The following HIPK2 variants were observed in gnomAD, a reference collection of about 807,000 sequenced individuals.
HIPK2 encodes the protein homeodomain interacting protein kinase 2.
HIPK2 carries 27 observed loss-of-function variants against 113.7 expected under a neutral mutation model. That is an observed-to-expected ratio of 0.24 (90% CI 0.17 to 0.33). HIPK2 has a LOEUF of 0.33. Ranked by LOEUF, HIPK2 falls within the 10% of genes least tolerant of loss-of-function variation. The probability of loss-of-function intolerance (pLI) is 1.00; values close to 1 mark genes in which losing one functional copy is unlikely to be tolerated. For synonymous variants in HIPK2, 631 were observed against 642.2 expected (o/e 0.98, Z 0.26); for missense variants, 1,257 against 1,588.0 (o/e 0.79, Z 3.54).
At position 139,602,366 on chromosome 7, in the gene HIPK2, C is replaced by T. The variant is rs565826788; in HGVS notation, c.2255+1715G>A. Among the ~76,000 whole-genome samples, 7 of 152,196 alleles carry T rather than the reference C, an allele frequency of 4.6e-5. No individual in the cohort carries two copies. The South Asian group carries it at 1.2e-3, about 27-fold the overall frequency. On this transcript the variant is annotated intron_variant, in intron 10 of 14. Coordinates refer to ENST00000406875, the MANE Select transcript of HIPK2 (RefSeq NM_022740.5). ...CACTGGTACTTCTGTTTGTTAGCCA[C>T]AATAATAGATGTTCTTTGGCTCACA...
intron 2 of HIPK2, among the ~76,000 whole-genome samples, chr7:139,664,897 C>T (rs1801993681): frequency 6.6e-6 from 1 of 152,212 alleles, no homozygotes; most frequent in African/African-American, 2.4e-5. Flanking sequence ...CAGATATCAG[C>T]TATTTACAAC....
At chr7:139,647,779 A>C (rs967323736) in intron 2 of HIPK2, among the ~76,000 whole-genome samples, 3 of 152,244 alleles carry the variant, frequency 2.0e-5, no homozygotes, top group African/African-American at 7.2e-5. Flanking sequence ...ACCCATAAAA[A>C]AACCTGTGAG....
chr7:139,709,413 TG>T (rs1794999113), intron 2 of HIPK2, among the ~76,000 whole-genome samples: 2 of 152,262 alleles, frequency 1.3e-5, no homozygotes, highest in South Asian at 4.1e-4. Context: ...ATTTTTGAAA[TG>T]ACTTATATTT....
intron 1 of HIPK2, chr7:139,722,054 G>C (rs2116981066): frequency 2.1e-6 from 1 of 474,980 alleles, no homozygotes. Flanking sequence ...CATAAACACT[G>C]AATCTCAGAT....
chr7:139,642,608 G>A (rs1292357506), intron 2 of HIPK2, among the ~76,000 whole-genome samples: 1 of 152,218 alleles, frequency 6.6e-6, no homozygotes, highest in Non-Finnish European at 1.5e-5. Context: ...ATTGAGGTGA[G>A]CTAATCCCAG....
chr7:139,635,284 A>G (rs1800769802), intron 2 of HIPK2, among the ~76,000 whole-genome samples: 2 of 152,168 alleles, frequency 1.3e-5, no homozygotes, highest in African/African-American at 4.8e-5. Flanking sequence ...ACACTCAAGT[A>G]AGTCTTAGGA....
At chr7:139,651,992 G>A (rs547832909) in intron 2 of HIPK2, among the ~76,000 whole-genome samples, 42 of 152,202 alleles carry the variant, frequency 2.8e-4, no homozygotes, top group Non-Finnish European at 5.6e-4. Flanking sequence ...AGGCTCTGGC[G>A]CCATAACTCA....
At chr7:139,678,406 T>A (rs1289968800) in intron 2 of HIPK2, among the ~76,000 whole-genome samples, 2 of 152,256 alleles carry the variant, frequency 1.3e-5, no homozygotes, top group Non-Finnish European at 2.9e-5. Flanking sequence ...GCTAGCCAGT[T>A]TTCCCAACAT....
chr7:139,640,334 CCCAGATCATGT>C (rs1384899209), intron 2 of HIPK2, among the ~76,000 whole-genome samples: 3 of 152,204 alleles, frequency 2.0e-5, no homozygotes, highest in African/African-American at 4.8e-5. Flanking sequence ...GAGAAGCATT[CCCAGATCATGT>C]CCAGATCATA....
rs191156972 is a variant in HIPK2, at chr7:139,677,438, C to A, written c.1103+38494G>T. 5.5e-4 allele frequency among the ~76,000 whole-genome samples: 84 copies of A among 152,196 alleles called. 1 individual carries two copies. Among genetic ancestry groups the A allele is most frequent in the African/African-American group, 1.9e-3 (80 of 41,532 alleles). On this transcript the variant is annotated intron_variant, in intron 2 of 14. Transcript: ENST00000406875. ...TTTATAAAGTTTATTTCTCACAGTT[C>A]TGGTGGCTGGGAAGTTCAAGATCAA... is the stretch of plus-strand genomic sequence containing the variant.
chr7:139,715,123 C>T (rs941330358), intron 2 of HIPK2, among the ~76,000 whole-genome samples: 1 of 152,210 alleles, frequency 6.6e-6, no homozygotes, highest in African/African-American at 2.4e-5. Flanking sequence ...TCCAGATACC[C>T]CAGGATGGCA....
intron 14 of HIPK2, among the ~76,000 whole-genome samples, chr7:139,573,980 A>G (rs1048319241): frequency 5.9e-5 from 9 of 152,162 alleles, no homozygotes; most frequent in African/African-American, 2.2e-4. Context: ...GACGTACAGA[A>G]GCTGTGAAGT....
chr7:139,671,313 T>C (rs1192440554), intron 2 of HIPK2, among the ~76,000 whole-genome samples: 1 of 152,188 alleles, frequency 6.6e-6, no homozygotes, highest in Non-Finnish European at 1.5e-5. Flanking sequence ...GAAATAGTAA[T>C]TATACCAAAG....
chr7:139,680,549 A>G (rs1802664332), intron 2 of HIPK2, among the ~76,000 whole-genome samples: 1 of 152,236 alleles, frequency 6.6e-6, no homozygotes, highest in African/African-American at 2.4e-5. Flanking sequence ...CTTGGCAGAC[A>G]TGGGTACTGA....
rs1461393183 is a variant in HIPK2, at chr7:139,613,138, C to A, written c.2112+64G>T. ...GGAGAGAGGGAGTGGAGATATATAT[C>A]TTTTGTGAACAACATTAACACAGGT... On this transcript the variant is annotated intron_variant, in intron 9 of 14. Transcript: ENST00000406875. The surrounding 1 kb of genome is among the most constrained non-coding windows in gnomAD (Gnocchi z 4.2). 6.3e-7 allele frequency: 1 copy of A among 1,590,558 alleles called. No individual in the cohort carries two copies. Among genetic ancestry groups the A allele is most frequent in the South Asian group, 1.1e-5 (1 of 88,284 alleles).
chr7:139,651,985 C>T (rs908885754), intron 2 of HIPK2, among the ~76,000 whole-genome samples: 1 of 152,182 alleles, frequency 6.6e-6, no homozygotes, highest in Non-Finnish European at 1.5e-5. Flanking sequence ...GAGAGGAAGG[C>T]TCTGGCGCCA....
rs1311297823 is a variant in HIPK2 at position 139,565,368 on chromosome 7, GAGCC to G, written c.*7555_*7558del. 6.6e-6 allele frequency: 1 copy of G among 152,088 alleles called. No individual in the cohort carries two copies. Among genetic ancestry groups the G allele is most frequent in the African/African-American group, 2.4e-5 (1 of 41,414 alleles). The allele number at this position is 152,088 out of a possible 1,614,324, so 9.4% of individuals were successfully genotyped here. On this transcript the variant is annotated 3_prime_UTR_variant, in exon 15 of 15. Coordinates refer to ENST00000406875, the MANE Select transcript of HIPK2 (RefSeq NM_022740.5). ...CTAAGAATTTAGGCAAACAAGCCTG[GAGCC>G]AGTCAACAAAGAAGGTTTTAAATGA...
chr7:139,761,797 T>C (rs1243806791), intron 1 of HIPK2, among the ~76,000 whole-genome samples: 2 of 152,196 alleles, frequency 1.3e-5, no homozygotes, highest in Non-Finnish European at 2.9e-5. Flanking sequence ...ATGAACTTTA[T>C]TGAAATACAA....
At chr7:139,705,130 T>C (rs191628923) in intron 2 of HIPK2, among the ~76,000 whole-genome samples, 7 of 152,184 alleles carry the variant, frequency 4.6e-5, no homozygotes, top group South Asian at 2.1e-4. Flanking sequence ...AAAGAAATGA[T>C]TGGGAATACT....
Sources: allele counts gnomAD v4.1 joint callset (sites outside exome capture counted in the v4.1 genomes callset), GRCh38; gene constraint gnomAD v4.1.1; non-coding constraint Gnocchi (gnomAD v3.1); transcripts MANE v1.5; gene names NCBI Gene and HGNC (gene_info 2026-07-23, HGNC 2026-07-21).